Variants in TACC2 observed in about 807,000 individuals in gnomAD.
TACC2 encodes transforming acidic coiled-coil containing protein 2, also known as transforming acidic coiled-coil-containing protein 2.
Under a neutral mutation model 227.3 loss-of-function variants are expected in TACC2, and 137 were observed. The observed-to-expected ratio is 0.60, with a 90% CI of 0.52 to 0.69. The LOEUF is 0.69. Among genes scored for constraint, TACC2 ranks in the 30% least tolerant of loss-of-function variants. The pLI is 0.00. For missense variants in TACC2, 3,470 were observed against 3,694.4 expected, an observed-to-expected ratio of 0.94 and a Z score of 1.57; for synonymous variants, 1,523 against 1,487.5, an observed-to-expected ratio of 1.02 and a Z score of -0.55.
At chr10:122,228,857 C>T (rs147725546) in intron 14 of TACC2, among the ~76,000 whole-genome samples, 6 of 152,152 alleles carry the variant, frequency 3.9e-5, no homozygotes, top group East Asian at 1.9e-4. Flanking sequence ...CATGGTTCGC[C>T]TTCTACAAAG....
intron 5 of TACC2, among the ~76,000 whole-genome samples, chr10:122,110,813 A>C (rs2083496378): frequency 6.6e-6 from 1 of 152,108 alleles, no homozygotes; most frequent in Non-Finnish European, 1.5e-5. Context: ...ATTTTGGCTT[A>C]AGACAACACA....
At chr10:122,078,547 C>T (rs1406212605) in intron 3 of TACC2, among the ~76,000 whole-genome samples, 1 of 152,174 alleles carries the variant, frequency 6.6e-6, no homozygotes, top group African/African-American at 2.4e-5. Flanking sequence ...AGTCCCTGGG[C>T]CCTCCCTGAC....
At chr10:122,002,050 A>G (rs1028515514) in intron 1 of TACC2, among the ~76,000 whole-genome samples, 1 of 152,222 alleles carries the variant, frequency 6.6e-6, no homozygotes, top group Non-Finnish European at 1.5e-5. Flanking sequence ...TATTTCTCAC[A>G]GTTCTGGAGG....
rs2096190080 is a variant in TACC2 at position 122,248,910 on chromosome 10, A to AG, written c.8553+109dup. ...AGAAGTTGGTCTTGAGCCACCTGCGAGGAGGGGGTCCATGCAGGCTGGGGA... is the reference window on the plus strand; with the variant it reads ...AGAAGTTGGTCTTGAGCCACCTGCGAGGGAGGGGGTCCATGCAGGCTGGGGA... On this transcript the variant is annotated intron_variant, in intron 20 of 22. Transcript: ENST00000369005. 3 of 1,526,112 alleles carry AG rather than the reference A, an allele frequency of 2.0e-6. No homozygotes were observed. The East Asian group carries it at 6.8e-5, about 35-fold the overall frequency. The allele number at this position is 1,526,112 out of a possible 1,614,324, so 94.5% of individuals were successfully genotyped here. A position where few individuals can be genotyped will look rare whatever the true frequency, so the allele number is the denominator to read the frequency against.
At chr10:122,125,644 A>G (rs1468566877) in intron 5 of TACC2, among the ~76,000 whole-genome samples, 1 of 152,210 alleles carries the variant, frequency 6.6e-6, no homozygotes, top group Non-Finnish European at 1.5e-5. Context: ...GGCACAGAGC[A>G]TGGAATGTTT....
intron 3 of TACC2, among the ~76,000 whole-genome samples, chr10:122,071,978 CTTTT>C (rs200019377): frequency 2.0e-5 from 2 of 101,496 alleles, no homozygotes; most frequent in Non-Finnish European, 2.0e-5. Context: ...CCCAATAACT[CTTTT>C]TTTTTTTTTT....
chr10:122,188,373 G>A (rs1050999120), intron 7 of TACC2, among the ~76,000 whole-genome samples: 6 of 152,026 alleles, frequency 3.9e-5, no homozygotes, highest in Admixed American at 2.0e-4. Context: ...TCTGCCTCCC[G>A]GGTTCAAACA....
intron 19 of TACC2, among the ~76,000 whole-genome samples, chr10:122,242,978 C>T (rs1048596389): frequency 2.0e-5 from 3 of 152,160 alleles, no homozygotes; most frequent in African/African-American, 7.2e-5. Context: ...CCGTCTCGTT[C>T]TGTCACCCAG....
chr10:121,990,325 C>T (rs771208959), intron 1 of TACC2, among the ~76,000 whole-genome samples: 1 of 151,844 alleles, frequency 6.6e-6, no homozygotes, highest in Non-Finnish European at 1.5e-5. Flanking sequence ...GCCGTGTTGG[C>T]CAGGCTGGTC....
At chr10:122,007,036 A>G (rs1386636382) in intron 1 of TACC2, among the ~76,000 whole-genome samples, 1 of 151,546 alleles carries the variant, frequency 6.6e-6, no homozygotes, top group African/African-American at 2.4e-5. Flanking sequence ...TAATTTTTGT[A>G]TTTTTAGTAG....
At chr10:122,109,855 G>A (rs955046092) in intron 5 of TACC2, among the ~76,000 whole-genome samples, 2 of 152,124 alleles carry the variant, frequency 1.3e-5, no homozygotes, top group South Asian at 2.1e-4. Context: ...TCGCTATGCC[G>A]CCTTTGACCC....
chr10:122,242,998 C>T (rs981202050), intron 19 of TACC2, among the ~76,000 whole-genome samples: 27 of 152,274 alleles, frequency 1.8e-4, no homozygotes, highest in Admixed American at 7.8e-4. Context: ...GGCTGGAGTG[C>T]AGTGGCACGA....
At chr10:122,174,148 C>T (rs900850763) in intron 7 of TACC2, among the ~76,000 whole-genome samples, 8 of 152,206 alleles carry the variant, frequency 5.3e-5, no homozygotes, top group African/African-American at 1.7e-4. Flanking sequence ...CCACTGGGTG[C>T]AACTATCAGT....
intron 5 of TACC2, among the ~76,000 whole-genome samples, chr10:122,118,155 C>T (rs1394710731): frequency 6.6e-6 from 1 of 152,012 alleles, no homozygotes; most frequent in African/African-American, 2.4e-5. Flanking sequence ...GCTGGGACTA[C>T]AGGCATGTGC....
chr10:122,025,809 C>T (rs1425015953), intron 2 of TACC2, among the ~76,000 whole-genome samples: 3 of 150,640 alleles, frequency 2.0e-5, no homozygotes, highest in Non-Finnish European at 3.0e-5. Context: ...CTCCTGACCT[C>T]GTGATCCACC....
At chr10:122,015,201 A>G (rs115648983) in intron 1 of TACC2, among the ~76,000 whole-genome samples, 3,392 of 152,216 alleles carry the variant, frequency 0.022, 131 homozygotes, top group African/African-American at 0.077. Context: ...CATTAAAAAA[A>G]CAAAAACAAA....
At chr10:122,238,373 G>C (rs1220608497) in intron 18 of TACC2, among the ~76,000 whole-genome samples, 2 of 152,162 alleles carry the variant, frequency 1.3e-5, no homozygotes, top group Non-Finnish European at 2.9e-5. Context: ...ATGTAACAAT[G>C]AGTGTAAACA....
chr10:122,204,202 A>AG (rs2095023928), intron 8 of TACC2, among the ~76,000 whole-genome samples: 1 of 91,060 alleles, frequency 1.1e-5, no homozygotes, highest in Non-Finnish European at 2.2e-5. Flanking sequence ...GGGGAGGGGG[A>AG]GGGGTAGATT....
In TACC2 at chr10:122,254,292, G is replaced by GT. The variant is rs2096300541; in HGVS notation, c.*237dup. 1.8e-6 allele frequency: 1 copy of GT among 546,208 alleles called. No individual in the cohort carries two copies. The highest frequency in any genetic ancestry group is 2.8e-5 in the Admixed American group (1 of 35,894). The allele number at this position is 546,208 out of a possible 1,614,324, so 33.8% of individuals were successfully genotyped here. On this transcript the variant is annotated 3_prime_UTR_variant, in exon 23 of 23. Transcript: ENST00000369005. ...ATAGCAAGTTGACCTCAGAGTTCCT[G>GT]TATCAGGGAGATTGTCTGATTCTCT...
Sources: allele counts gnomAD v4.1 joint callset (sites outside exome capture counted in the v4.1 genomes callset), GRCh38; gene constraint gnomAD v4.1.1; transcripts MANE v1.5; gene names NCBI Gene and HGNC (gene_info 2026-07-23, HGNC 2026-07-21).